ZNF532: variants seen among roughly 807,000 people sequenced by gnomAD.
ZNF532 encodes the protein zinc finger protein 532.
Under a neutral mutation model 89.3 loss-of-function variants are expected in ZNF532, and 22 were observed. The observed-to-expected ratio is 0.25, with a 90% CI of 0.18 to 0.35. The LOEUF (loss-of-function observed/expected upper bound fraction) is 0.35. Among genes scored for constraint, ZNF532 ranks in the 10% least tolerant of loss-of-function variants. The probability of loss-of-function intolerance (pLI) is 1.00; values close to 1 mark genes in which losing one functional copy is unlikely to be tolerated. For missense variants in ZNF532, 1,132 were observed against 1,643.4 expected (o/e 0.69, Z 5.38); for synonymous variants, 606 against 649.6 (o/e 0.93, Z 1.02).
At chr18:58,983,347 G>A (rs569845973) in intron 9 of ZNF532, among the ~76,000 whole-genome samples, 1 of 152,146 alleles carries the variant, frequency 6.6e-6, no homozygotes, top group South Asian at 2.1e-4. Context: ...CAGTCTAAAA[G>A]CAAAATCCTG....
Position 58,957,395 on chromosome 18 carries a change from G to C in ZNF532, c.3150+3596G>C, listed in dbSNP as rs548748759. On this transcript the variant is annotated intron_variant, in intron 7 of 9. Transcript: ENST00000591808. ...TACTTGATTTTAGTATCATAATTAT[G>C]ACTTAAAATACATATATATATATAT... Among the ~76,000 whole-genome samples, 22 of 110,844 alleles carry C rather than the reference G, an allele frequency of 2.0e-4. 1 individual carries two copies. In the South Asian group the frequency reaches 8.1e-3, roughly 41 times the overall value. The allele number at this position is 110,844 out of a possible 152,430, so 72.7% of individuals were successfully genotyped here. A position where few individuals can be genotyped will look rare whatever the true frequency, so the allele number is the denominator to read the frequency against.
chr18:58,973,258 A>C (rs556142909), intron 7 of ZNF532, among the ~76,000 whole-genome samples: 30 of 152,262 alleles, frequency 2.0e-4, no homozygotes, highest in Admixed American at 1.6e-3. Flanking sequence ...ATGCACCACC[A>C]TGCCCAGCTA....
chr18:58,981,671 C>CCATTCATTTTTTTCCTTTCAAGTTTTT, intron 9 of ZNF532, 54 bp downstream of exon 9: 1 of 1,601,576 alleles, frequency 6.2e-7, no homozygotes, highest in Non-Finnish European at 8.5e-7. Context: ...CTTGCTTTTC[C>CCATTCATTTTTTTCCTTTCAAGTTTTT]CATTCATTTT....
At chr18:58,872,951 G>A (rs1435570946) in intron 2 of ZNF532, among the ~76,000 whole-genome samples, 1 of 151,664 alleles carries the variant, frequency 6.6e-6, no homozygotes, top group East Asian at 1.9e-4. Flanking sequence ...GCCCACCTTG[G>A]CCTCCCAAAG....
At chr18:58,979,613 C>T (rs1265221528) in intron 8 of ZNF532, 1 of 153,228 alleles carries the variant, frequency 6.5e-6, no homozygotes, top group Admixed American at 6.5e-5. Flanking sequence ...GTCTCAAACT[C>T]CTGACCTTGG....
intron 2 of ZNF532, among the ~76,000 whole-genome samples, chr18:58,890,287 C>G (rs8084000): frequency 0.085 from 12,847 of 151,216 alleles, 1,072 homozygotes; most frequent in East Asian, 0.4. Context: ...TATATATATA[C>G]ACGTATATAT....
intron 2 of ZNF532, among the ~76,000 whole-genome samples, chr18:58,905,709 C>G (rs1166709560): frequency 6.6e-6 from 1 of 152,164 alleles, no homozygotes; most frequent in African/African-American, 2.4e-5. Context: ...TTCACTATTT[C>G]TATCTTACTT....
At chr18:58,904,009 A>G (rs1465658474) in intron 2 of ZNF532, among the ~76,000 whole-genome samples, 3 of 152,208 alleles carry the variant, frequency 2.0e-5, no homozygotes, top group Admixed American at 2.0e-4. Flanking sequence ...TCCCTTAGTA[A>G]TAATAGGTGG....
At chr18:58,888,713 A>ATTT (rs1325466287) in intron 2 of ZNF532, among the ~76,000 whole-genome samples, 1 of 17,702 alleles carries the variant, frequency 5.6e-5, no homozygotes, top group Admixed American at 8.7e-4. Context: ...ATATATATAT[A>ATTT]TATATATATA....
intron 4 of ZNF532, among the ~76,000 whole-genome samples, chr18:58,937,661 G>A (rs1320478383): frequency 6.6e-6 from 1 of 152,060 alleles, no homozygotes; most frequent in Non-Finnish European, 1.5e-5. Flanking sequence ...GGTGTGGTAG[G>A]TCCTTCAGTT....
intron 6 of ZNF532, among the ~76,000 whole-genome samples, chr18:58,949,017 A>T (rs2146933947): frequency 6.6e-6 from 1 of 152,140 alleles, no homozygotes; most frequent in Admixed American, 6.5e-5. Flanking sequence ...TAATGCCCCT[A>T]AACCTTTTAG....
At chr18:58,905,674 A>G (rs1602927170) in intron 2 of ZNF532, among the ~76,000 whole-genome samples, 1 of 152,308 alleles carries the variant, frequency 6.6e-6, no homozygotes, top group East Asian at 1.9e-4. Flanking sequence ...GTGAGCCACC[A>G]TGCTTGGCCG....
At chr18:58,879,169 A>G (rs185999681) in intron 2 of ZNF532, among the ~76,000 whole-genome samples, 1 of 152,254 alleles carries the variant, frequency 6.6e-6, no homozygotes, top group Admixed American at 6.5e-5. Flanking sequence ...CTGCTACAGT[A>G]GGAGCCATAG....
intron 7 of ZNF532, among the ~76,000 whole-genome samples, chr18:58,963,471 CTGT>C (rs1323869761): frequency 6.6e-6 from 1 of 152,066 alleles, no homozygotes; most frequent in Non-Finnish European, 1.5e-5. Flanking sequence ...GGCAGGTGTG[CTGT>C]TGTTACTTTT....
chr18:58,938,236 G>C (rs11662701), intron 4 of ZNF532, among the ~76,000 whole-genome samples: 33,659 of 152,142 alleles, frequency 0.22, 4,797 homozygotes, highest in Middle Eastern at 0.38. Flanking sequence ...CATATGTTCA[G>C]TTGTATTAGA....
intron 5 of ZNF532, 131 bp downstream of exon 5, chr18:58,939,752 T>G: frequency 1.0e-5 from 8 of 799,774 alleles, no homozygotes; most frequent in Non-Finnish European, 1.4e-5. Context: ...TTTTGATGCT[T>G]TATGAAATAC....
intron 2 of ZNF532, among the ~76,000 whole-genome samples, chr18:58,866,125 G>A (rs1211074136): frequency 1.3e-5 from 2 of 152,086 alleles, no homozygotes; most frequent in South Asian, 2.1e-4. Context: ...CGGTGAGTTC[G>A]CCATTGGATT....
intron 2 of ZNF532, among the ~76,000 whole-genome samples, chr18:58,894,449 A>G (rs1294764687): frequency 1.3e-5 from 2 of 149,888 alleles, no homozygotes; most frequent in Non-Finnish European, 3.0e-5. Flanking sequence ...CCTGGGTGAT[A>G]ACAGCGAGAC....
chr18:58,982,435 A>G (rs1568480157), intron 9 of ZNF532, among the ~76,000 whole-genome samples: 3 of 152,098 alleles, frequency 2.0e-5, no homozygotes, highest in Non-Finnish European at 2.9e-5. Flanking sequence ...AGCCTGGCCA[A>G]CGTGGTGAAA....
Sources: gnomAD v4.1 joint callset for allele counts (sites outside exome capture counted in the v4.1 genomes callset) on GRCh38, gnomAD v4.1.1 for gene constraint, MANE v1.5 for transcripts, NCBI Gene and HGNC (gene_info 2026-07-23, HGNC 2026-07-21) for gene names.